The following OAT variants were observed in gnomAD, a reference collection of about 807,000 sequenced individuals.
OAT encodes the protein ornithine aminotransferase.
OAT carries 35 observed loss-of-function variants against 48.4 expected under a neutral mutation model. The ratio of observed to expected loss-of-function variants is 0.72; its 90% CI spans 0.55 to 0.96. The LOEUF (loss-of-function observed/expected upper bound fraction) is 0.96. OAT is among the 40% of genes least tolerant of loss of function. The probability of loss-of-function intolerance (pLI) is 0.00; values close to 1 mark genes in which losing one functional copy is unlikely to be tolerated. For missense variants in OAT, 438 were observed against 537.9 expected, an observed-to-expected ratio of 0.81 and a Z score of 1.84; for synonymous variants, 182 against 198.4, an observed-to-expected ratio of 0.92 and a Z score of 0.70.
At chr10:124,410,862 G>C (rs542595251) in intron 2 of OAT, among the ~76,000 whole-genome samples, 1 of 151,820 alleles carries the variant, frequency 6.6e-6, no homozygotes, top group Non-Finnish European at 1.5e-5. Context: ...GTCATGTGGC[G>C]GGGCGCGGTG....
chr10:124,410,553 T>A (rs1271974958), intron 2 of OAT, among the ~76,000 whole-genome samples: 1 of 152,184 alleles, frequency 6.6e-6, no homozygotes, highest in Non-Finnish European at 1.5e-5. Context: ...ACACCTGCAA[T>A]CCCAGCACTG....
intron 1 of OAT, among the ~76,000 whole-genome samples, chr10:124,417,762 C>T (rs1478612364): frequency 6.6e-6 from 1 of 152,218 alleles, no homozygotes; most frequent in African/African-American, 2.4e-5. Context: ...CACAGAAACC[C>T]TTTCAATCCC....
At chr10:124,413,953 T>G (rs1429834428) in intron 1 of OAT, among the ~76,000 whole-genome samples, 1 of 146,302 alleles carries the variant, frequency 6.8e-6, no homozygotes, top group Non-Finnish European at 1.5e-5. Context: ...TGATAAGCCA[T>G]GAAGTAAAAA....
Position 124,403,869 on chromosome 10 carries a change from C to T in OAT, c.700G>A (p.Gly234Ser). ...VAAFMVEPIQ[G>S]EAGVVVPDPG... ...TCCGGAACAACAACGCCTGCTTCAC[C>T]CTGAATTGGTTCTACCATGAACGCA... Residue 234 changes from glycine to serine, a missense_variant, in exon 6 of 10, where the codon GGT (glycine) becomes AGT (serine). Transcript: ENST00000368845. 6.2e-7 allele frequency: 1 copy of T among 1,614,122 alleles called. No individual in the cohort carries two copies. Among genetic ancestry groups the T allele is most frequent in the South Asian group, 1.1e-5 (1 of 91,080 alleles).
chr10:124,416,989 G>A (rs1469248999), intron 1 of OAT, among the ~76,000 whole-genome samples: 7 of 152,078 alleles, frequency 4.6e-5, no homozygotes, highest in Non-Finnish European at 5.9e-5. Context: ...AGAAAGGACC[G>A]GGGTCAACTA....
intron 4 of OAT, chr10:124,407,082 T>A (rs1951602470): frequency 1.0e-6 from 1 of 985,336 alleles, no homozygotes; most frequent in Admixed American, 6.1e-5. Flanking sequence ...TTTGGCTTCA[T>A]CTCGTTTCTA....
At position 124,408,525 on chromosome 10, in the gene OAT, T is replaced by A; in HGVS notation, c.520+17A>T. ...TGTATGTTTCAATCATAGAAGTTAATATTTAATTTCACATACCTGCAAAAA... is the reference window on the plus strand; with the variant it reads ...TGTATGTTTCAATCATAGAAGTTAAAATTTAATTTCACATACCTGCAAAAA... On this transcript the variant is annotated intron_variant, in intron 4 of 9. Coordinates refer to ENST00000368845, the MANE Select transcript of OAT (RefSeq NM_000274.4). 6.4e-7 allele frequency: 1 copy of A among 1,569,326 alleles called. No homozygotes were observed. The highest frequency in any genetic ancestry group is 8.8e-7 in the Non-Finnish European group (1 of 1,141,750).
At chr10:124,410,722 C>T (rs1589714071) in intron 2 of OAT, among the ~76,000 whole-genome samples, 1 of 152,090 alleles carries the variant, frequency 6.6e-6, no homozygotes, top group Non-Finnish European at 1.5e-5. Flanking sequence ...CACCTGAAGC[C>T]GGGAGTTCCA....
At chr10:124,411,090 A>AGATCCC (rs1229539250) in intron 2 of OAT, among the ~76,000 whole-genome samples, 4 of 133,096 alleles carry the variant, frequency 3.0e-5, no homozygotes, top group Non-Finnish European at 3.1e-5. Context: ...CAGTGAGCCG[A>AGATCCC]GATCCCACCA....
chr10:124,418,617 G>A (rs766123909), intron 1 of OAT, among the ~76,000 whole-genome samples: 109 of 152,210 alleles, frequency 7.2e-4, no homozygotes, highest in Non-Finnish European at 1.3e-3. Context: ...GCAAGCCGTG[G>A]GTCGCCACGC....
At chr10:124,409,303 G>A (rs920478122) in intron 2 of OAT, among the ~76,000 whole-genome samples, 3 of 152,194 alleles carry the variant, frequency 2.0e-5, no homozygotes, top group Admixed American at 2.0e-4. Flanking sequence ...CGTGGCTCAC[G>A]CCTGTAATCC....
Position 124,403,009 on chromosome 10 carries a change from C to T in OAT, c.818G>A (p.Gly273Asp). The T allele has an allele frequency of 6.2e-7, 1 of 1,614,096 alleles. No homozygotes were observed. Among genetic ancestry groups the T allele is most frequent in the Non-Finnish European group, 8.5e-7 (1 of 1,179,982 alleles). The change falls in exon 7 of 10, where the codon GGT becomes GAT. Residue 273 changes from glycine (G) to aspartate (D), a missense_variant. Gly to Asp is a moderately conservative substitution (Grantham distance 94, BLOSUM62 -1). Coordinates refer to ENST00000368845, the MANE Select transcript of OAT (RefSeq NM_000274.4). ...DEIQTGLART[G>D]RWLAVDYENV... ...TTCATAATCAACAGCCAGCCATCTA[C>T]CAGTTCTGGCCAATCCTGTCTGTAT...
chr10:124,414,003 A>G (rs1306578675), intron 1 of OAT: 2 of 150,952 alleles, frequency 1.3e-5, no homozygotes, highest in Non-Finnish European at 2.9e-5. Flanking sequence ...AGGAAATTAG[A>G]GCATGTGCAT....
At chr10:124,401,560 A>G (rs1201248929) in intron 8 of OAT, among the ~76,000 whole-genome samples, 166 bp downstream of exon 8, 1 of 152,182 alleles carries the variant, frequency 6.6e-6, no homozygotes, top group African/African-American at 2.4e-5. Flanking sequence ...CCAAGTTTAA[A>G]TTACTTTTTG....
chr10:124,403,672 G>A, intron 6 of OAT, 126 bp downstream of exon 6: 1 of 1,364,778 alleles, frequency 7.3e-7, no homozygotes, highest in South Asian at 1.2e-5. Flanking sequence ...CTAGTGGAAA[G>A]TAATTTAATC....
intron 9 of OAT, among the ~76,000 whole-genome samples, chr10:124,399,255 C>T (rs1951326769): frequency 6.6e-6 from 1 of 151,822 alleles, no homozygotes; most frequent in African/African-American, 2.4e-5. Context: ...AATGCCTGTG[C>T]CCCGTCCCAG....
chr10:124,400,944 A>T lies in OAT; in HGVS notation c.1055T>A (p.Leu352Ter). 6 of 1,611,444 alleles carry T rather than the reference A, an allele frequency of 3.7e-6. No individual in the cohort carries two copies. The highest frequency in any genetic ancestry group is 5.1e-6 in the Non-Finnish European group (6 of 1,178,758). ...EENLAENADK[L>*]GIILRNELMK... ...GAGTTCATTTCTCAAGATAATGCCC[A>T]ATTTGTCTGCATTTTCAGCAAGGTT... The change falls in exon 9 of 10, where the codon TTG becomes TAG. Residue 352 changes from leucine (L) to a stop codon, truncating the protein, a stop_gained. Coordinates refer to ENST00000368845, the MANE Select transcript of OAT (RefSeq NM_000274.4). LOFTEE classifies it high-confidence loss of function.
chr10:124,418,471 G>A (rs773108426), intron 1 of OAT, among the ~76,000 whole-genome samples: 1 of 152,212 alleles, frequency 6.6e-6, no homozygotes, highest in Non-Finnish European at 1.5e-5. Flanking sequence ...CGGGTGGGCC[G>A]AGTCCTGGCC....
chr10:124,406,360 G>GCA (rs1247259736), intron 4 of OAT, among the ~76,000 whole-genome samples: 1 of 151,900 alleles, frequency 6.6e-6, no homozygotes, highest in Non-Finnish European at 1.5e-5. Flanking sequence ...GCATGGTAGT[G>GCA]CACACCTGTA....
Sources: allele counts gnomAD v4.1 joint callset (sites outside exome capture counted in the v4.1 genomes callset), GRCh38; gene constraint gnomAD v4.1.1; transcripts MANE v1.5; gene names NCBI Gene and HGNC (gene_info 2026-07-23, HGNC 2026-07-21).